The following DYNC2H1 variants were observed in gnomAD, a reference collection of about 807,000 sequenced individuals.
DYNC2H1 encodes cytoplasmic dynein 2 heavy chain 1.
Under a neutral mutation model 570.0 loss-of-function variants are expected in DYNC2H1, and 410 were observed. The ratio of observed to expected loss-of-function variants is 0.72; its 90% CI spans 0.66 to 0.78. The LOEUF is 0.78. DYNC2H1 is among the 30% of genes least tolerant of loss of function. DYNC2H1 has a pLI of 0.00. For missense variants in DYNC2H1, 4,865 were observed against 5,046.4 expected (o/e 0.96, Z 1.09); for synonymous variants, 1,688 against 1,677.6 (o/e 1.01, Z -0.15).
At chr11:103,323,810 ATTCT>A in intron 81 of DYNC2H1, 72 bp from the exon 82 acceptor site, 1 of 1,085,128 alleles carries the variant, frequency 9.2e-7, no homozygotes, top group Non-Finnish European at 1.3e-6. Flanking sequence ...ATTTCAAAGT[ATTCT>A]TTCTTATTTC....
chr11:103,259,762 G>T (rs1865195654), intron 69 of DYNC2H1, 126 bp from the exon 70 acceptor site: 1 of 587,696 alleles, frequency 1.7e-6, no homozygotes, highest in African/African-American at 1.9e-5. Context: ...CACTTGTTTA[G>T]TCCCTTGAAT....
At chr11:103,300,571 A>T (rs1418382176) in intron 75 of DYNC2H1, among the ~76,000 whole-genome samples, 3 of 152,058 alleles carry the variant, frequency 2.0e-5, no homozygotes, top group African/African-American at 7.2e-5. Flanking sequence ...TCCAAGTAAC[A>T]TGAATGTCAC....
chr11:103,344,772 T>A (rs1354644944), intron 82 of DYNC2H1, among the ~76,000 whole-genome samples: 2 of 152,198 alleles, frequency 1.3e-5, no homozygotes, highest in Non-Finnish European at 2.9e-5. Context: ...AATATAACAC[T>A]TAATATATAC....
chr11:103,382,047 T>C (rs1352741787), intron 83 of DYNC2H1, among the ~76,000 whole-genome samples: 1 of 152,180 alleles, frequency 6.6e-6, no homozygotes, highest in Non-Finnish European at 1.5e-5. Context: ...GTATTCTACA[T>C]GTATGCCTCT....
intron 83 of DYNC2H1, among the ~76,000 whole-genome samples, chr11:103,365,714 T>G (rs1940875205): frequency 6.6e-6 from 1 of 152,188 alleles, no homozygotes; most frequent in African/African-American, 2.4e-5. Context: ...TTTTCTCTCT[T>G]TCCCCTTCAA....
At position 103,461,526 on chromosome 11, in the gene DYNC2H1, C is replaced by T. The variant is rs1945010967; in HGVS notation, c.12648+5170C>T. On this transcript the variant is annotated intron_variant, in intron 87 of 88. Transcript: ENST00000375735. This position sits in a 1 kb window ranked among gnomAD's most constrained non-coding sequence, Gnocchi z 4.8. ...TATTGCAAAATACATAAATCAAGCT[C>T]CTGTTCAGCCTACATTTTACATCTT... is the stretch of plus-strand genomic sequence containing the variant. Among the ~76,000 whole-genome samples, 1 of 152,104 alleles carries T rather than the reference C, an allele frequency of 6.6e-6. No individual in the cohort carries two copies. Among genetic ancestry groups the T allele is most frequent in the African/African-American group, 2.4e-5 (1 of 41,414 alleles).
rs1565323905 is a variant in DYNC2H1 at position 103,129,870 on chromosome 11, A to C, written c.1953+865A>C. ...ATTTTTTTCTATTTGAAAGTGGATAACTAGTTGTGTCAGGATCCTCAGGAC... is the reference window on the plus strand; with the variant it reads ...ATTTTTTTCTATTTGAAAGTGGATACCTAGTTGTGTCAGGATCCTCAGGAC... On this transcript the variant is annotated intron_variant, in intron 13 of 88. Transcript: ENST00000375735. The surrounding 1 kb of genome is among the most constrained non-coding windows in gnomAD (Gnocchi z 4.1). Among the ~76,000 whole-genome samples, 1 of 152,176 alleles carries C rather than the reference A, an allele frequency of 6.6e-6. No individual in the cohort carries two copies. Among genetic ancestry groups the C allele is most frequent in the South Asian group, 2.1e-4 (1 of 4,828 alleles).
At position 103,113,724 on chromosome 11, in the gene DYNC2H1, T is replaced by C. The variant is rs756541802; in HGVS notation, c.366+17T>C. ...TTGTTAAAGGTGAGAAAAGAAGCTG[T>C]CATTTTTTTTAACTGAGGTATTTGG... On this transcript the variant is annotated intron_variant, in intron 2 of 88. Transcript: ENST00000375735. 2.7e-6 allele frequency: 4 copies of C among 1,489,834 alleles called. No individual in the cohort carries two copies. The highest frequency in any genetic ancestry group is 2.9e-5 in the African/African-American group (2 of 68,210). 92.3% of individuals were successfully genotyped at this position (1,489,834 alleles called of 1,614,324 possible).
chr11:103,370,390 G>A (rs1941097084), intron 83 of DYNC2H1, among the ~76,000 whole-genome samples: 1 of 152,164 alleles, frequency 6.6e-6, no homozygotes, highest in African/African-American at 2.4e-5. Flanking sequence ...CATGGCTTGG[G>A]GAAGCTCACC....
chr11:103,287,943 A>T (rs982301929), intron 75 of DYNC2H1, among the ~76,000 whole-genome samples: 2 of 152,126 alleles, frequency 1.3e-5, no homozygotes, highest in Non-Finnish European at 2.9e-5. Flanking sequence ...CTCCCTGAGC[A>T]TTGGGGGTTA....
intron 87 of DYNC2H1, among the ~76,000 whole-genome samples, chr11:103,466,446 A>G (rs1368474611): frequency 6.6e-6 from 1 of 152,178 alleles, no homozygotes; most frequent in Non-Finnish European, 1.5e-5. Flanking sequence ...TAAAGATACC[A>G]TAGAAAGTGA....
At position 103,479,117 on chromosome 11, in the gene DYNC2H1, C is replaced by T. The variant is rs762893392; in HGVS notation, c.12788C>T (p.Pro4263Leu). 1.4e-5 allele frequency: 22 copies of T among 1,613,500 alleles called. No homozygotes were observed. The highest frequency in any genetic ancestry group is 5.5e-5 in the South Asian group (5 of 91,070). The change falls in exon 89 of 89, where the codon CCG (proline) becomes CTG (leucine). Residue 4263 changes from proline to leucine, a missense_variant. Physicochemically the swap from Pro to Leu is moderately conservative, Grantham distance 98. This residue lies in a region of DYNC2H1 where 2,401 missense variants were observed against 2,454.6 expected (regional missense o/e 0.98). Transcript: ENST00000375735. The stretch of plus-strand genomic sequence containing the variant: ...CAGGATGCATGTGGTCCATATTCTC[C>T]GGATGAGTGCATCTCTTTGCCTGTT... ...IPQDACGPYSPDECISLPVYT... is the reference protein window; with the variant it reads ...IPQDACGPYSLDECISLPVYT...
chr11:103,416,107 A>G (rs1943271220), intron 84 of DYNC2H1, among the ~76,000 whole-genome samples: 1 of 152,108 alleles, frequency 6.6e-6, no homozygotes, highest in African/African-American at 2.4e-5. Context: ...CATTGAAATC[A>G]CCTGGACACA....
At chr11:103,240,270 T>C (rs578127049) in intron 63 of DYNC2H1, among the ~76,000 whole-genome samples, 1 of 152,264 alleles carries the variant, frequency 6.6e-6, no homozygotes, top group Admixed American at 6.5e-5. Flanking sequence ...TTAGAGTTTA[T>C]GTTTCCAGAC....
chr11:103,356,392 G>A (rs1940339700), intron 82 of DYNC2H1, among the ~76,000 whole-genome samples: 1 of 152,018 alleles, frequency 6.6e-6, no homozygotes, highest in African/African-American at 2.4e-5. Flanking sequence ...ATCCTCACAT[G>A]TTATTTTTCT....
intron 85 of DYNC2H1, among the ~76,000 whole-genome samples, chr11:103,442,528 G>A (rs1368238185): frequency 6.6e-5 from 10 of 151,980 alleles, no homozygotes; most frequent in Admixed American, 6.6e-4. Flanking sequence ...TAAATCCTTC[G>A]TATGGCCAAC....
rs899520062 is a variant in DYNC2H1, at chr11:103,201,235, C to A, written c.8197+1081C>A. On this transcript the variant is annotated intron_variant, in intron 50 of 88. Transcript: ENST00000375735. The surrounding 1 kb of genome is among the most constrained non-coding windows in gnomAD (Gnocchi z 4.8). ...TAGAAAAATACCACTTGAAAGAGGA[C>A]TATCTTAATACAAATACTCTCTAGA... Among the ~76,000 whole-genome samples, 1 of 152,122 alleles carries A rather than the reference C, an allele frequency of 6.6e-6. No individual in the cohort carries two copies. Among genetic ancestry groups the A allele is most frequent in the African/African-American group, 2.4e-5 (1 of 41,418 alleles).
In DYNC2H1 at chr11:103,280,484, AT is replaced by A; in HGVS notation, c.10761+73del. The A allele has an allele frequency of 7.9e-7, 1 of 1,258,098 alleles. No individual in the cohort carries two copies. Among genetic ancestry groups the A allele is most frequent in the Non-Finnish European group, 1.1e-6 (1 of 885,414 alleles). 77.9% of individuals were successfully genotyped at this position (1,258,098 alleles called of 1,614,324 possible). A position where few individuals can be genotyped will look rare whatever the true frequency, so the allele number is the denominator to read the frequency against. On this transcript the variant is annotated intron_variant, in intron 71 of 88. Coordinates refer to ENST00000375735, the MANE Select transcript of DYNC2H1 (RefSeq NM_001377.3). The surrounding 1 kb of genome is among the most constrained non-coding windows in gnomAD (Gnocchi z 4.7). ...TGTTAATGGGTGGATTTATGTTTAG[AT>A]TAGAAATTATTTAGGCTAGAAATTA...
chr11:103,255,285 A>G, intron 66 of DYNC2H1, 130 bp from the exon 67 acceptor site: 2 of 1,047,026 alleles, frequency 1.9e-6, no homozygotes, highest in Non-Finnish European at 2.7e-6. Flanking sequence ...GTTTAATTAG[A>G]AAGAATGAAA....
Sources: allele counts gnomAD v4.1 joint callset (sites outside exome capture counted in the v4.1 genomes callset), GRCh38; gene constraint gnomAD v4.1.1; regional missense constraint gnomAD v4.1.1; non-coding constraint Gnocchi (gnomAD v3.1); transcripts MANE v1.5; gene names NCBI Gene and HGNC (gene_info 2026-07-23, HGNC 2026-07-21).